Variants in CAPN14 observed in about 807,000 individuals in gnomAD.
CAPN14 encodes calpain-14.
Under a neutral mutation model 101.3 loss-of-function variants are expected in CAPN14, and 94 were observed. That is an observed-to-expected ratio of 0.93 (90% CI 0.79 to 1.10). The LOEUF (loss-of-function observed/expected upper bound fraction) is 1.10, where lower values mean the gene tolerates loss of function less well. CAPN14 is among the 50% of genes least tolerant of loss of function. The pLI, the probability that CAPN14 is intolerant of heterozygous loss-of-function variation, is 0.00. For synonymous variants in CAPN14, 338 were observed against 317.9 expected, an observed-to-expected ratio of 1.06 and a Z score of -0.67; for missense variants, 837 against 828.4, an observed-to-expected ratio of 1.01 and a Z score of -0.13.
chr2:31,191,943 G>C lies in CAPN14; in HGVS notation c.1270C>G (p.Leu424Val). 6.4e-7 allele frequency: 1 copy of C among 1,550,492 alleles called. No homozygotes were observed. ...RKPLLAIGFY[L>V]YRMNKYHDDQ... ...TTCAGAGGTCCACCTACCCTATACA[G>C]GTAGAAGCCAATGGCGAGGAGAGGC... Residue 424 changes from leucine (L) to valine (V), a missense_variant, in exon 11 of 22, where the codon CTG (leucine) becomes GTG (valine). Transcript: ENST00000403897.
chr2:31,205,114 G>A (rs1439999936), intron 2 of CAPN14, 109 bp downstream of exon 2: 1 of 884,118 alleles, frequency 1.1e-6, no homozygotes, highest in Non-Finnish European at 1.8e-6. Context: ...TGAGTGGAGA[G>A]GAGAGAGTAG....
intron 2 of CAPN14, among the ~76,000 whole-genome samples, chr2:31,204,106 C>G (rs771905219): frequency 6.6e-6 from 1 of 152,188 alleles, no homozygotes. Flanking sequence ...GCCTTGCCAT[C>G]TCAGATGAAG....
Position 31,200,457 on chromosome 2 carries a change from G to A in CAPN14, c.720C>T (p.His240=). ...YNRTLIGCQT[H]SGEKILENGL... ...AGTGGCAGCCCAGTCTCACCCCTGA[G>A]TGGGTCTGGCAGCCAATGAGGGTTC... The change falls in exon 6 of 22, where the codon CAC becomes CAT. Residue 240 remains histidine, a synonymous_variant. Transcript: ENST00000403897. The A allele has an allele frequency of 6.5e-7, 1 of 1,549,344 alleles. No homozygotes were observed. The highest frequency in any genetic ancestry group is 8.7e-7 in the Non-Finnish European group (1 of 1,146,532).
intron 1 of CAPN14, among the ~76,000 whole-genome samples, chr2:31,209,361 T>C (rs1445847706): frequency 6.6e-6 from 1 of 152,224 alleles, no homozygotes; most frequent in African/African-American, 2.4e-5. Flanking sequence ...CCCTTATCTA[T>C]AGATGCTGGG....
intron 5 of CAPN14, among the ~76,000 whole-genome samples, chr2:31,201,574 T>G (rs1436556538): frequency 6.6e-6 from 1 of 152,188 alleles, no homozygotes; most frequent in Non-Finnish European, 1.5e-5. Flanking sequence ...TTTCTTTGGG[T>G]GTATCTTGCT....
intron 10 of CAPN14, among the ~76,000 whole-genome samples, chr2:31,192,485 A>T (rs966358202): frequency 6.6e-6 from 1 of 152,184 alleles, no homozygotes; most frequent in Non-Finnish European, 1.5e-5. Context: ...TCAGCTTCAG[A>T]CTATGGGGGA....
Position 31,178,568 on chromosome 2 carries a change from T to G in CAPN14, c.1722A>C (p.Ser574=), listed in dbSNP as rs1368132853. 5.8e-6 allele frequency: 9 copies of G among 1,543,150 alleles called. No homozygotes were observed. In the Admixed American group the frequency reaches 8.1e-5, roughly 14 times the overall value. ...TGAATTCCTGGATGCTCATAGTACC[T>G]GATGCATTAAGCTGATTAATAGGTT... ...GILALLDLNA[S]GTMSIQEFRD... is the part of the protein sequence containing the mutation. Residue 574 remains serine, a synonymous_variant, in exon 18 of 22, where the codon TCA becomes TCC. Coordinates refer to ENST00000403897, the MANE Select transcript of CAPN14 (RefSeq NM_001145122.2).
At chr2:31,228,590 A>G (rs2148710102) in intron 1 of CAPN14, among the ~76,000 whole-genome samples, 1 of 152,372 alleles carries the variant, frequency 6.6e-6, no homozygotes, top group East Asian at 1.9e-4. Flanking sequence ...ATAGCTTATT[A>G]AATATTACAG....
chr2:31,178,598 T>TA lies in CAPN14; in HGVS notation c.1711-20dup. 1 of 1,490,750 alleles carries TA rather than the reference T, an allele frequency of 6.7e-7. No homozygotes were observed. The highest frequency in any genetic ancestry group is 9.0e-7 in the Non-Finnish European group (1 of 1,114,218). 92.3% of individuals were successfully genotyped at this position (1,490,750 alleles called of 1,614,324 possible). ...CATTAAGCTGATTAATAGGTTAAGG[T>TA]AAAAGCTTCCAGGGAGAGTTCTATC... On this transcript the variant is annotated intron_variant, in intron 17 of 21. Transcript: ENST00000403897.
At chr2:31,188,223 A>T in intron 14 of CAPN14, 95 bp downstream of exon 14, 1 of 1,078,958 alleles carries the variant, frequency 9.3e-7, no homozygotes, top group Non-Finnish European at 1.4e-6. Flanking sequence ...GGATCCGCAT[A>T]TCTCCTCCCC....
At chr2:31,181,398 T>TTTTTTTTC (rs1680596144) in intron 16 of CAPN14, among the ~76,000 whole-genome samples, 4 of 134,980 alleles carry the variant, frequency 3.0e-5, no homozygotes, top group African/African-American at 1.2e-4. Context: ...TTCTTTCTTT[T>TTTTTTTTC]TTTCTTTCTT....
At chr2:31,187,067 T>G (rs1680932341) in intron 15 of CAPN14, among the ~76,000 whole-genome samples, 1 of 152,204 alleles carries the variant, frequency 6.6e-6, no homozygotes, top group South Asian at 2.1e-4. Flanking sequence ...AGGTAAATTG[T>G]GACTTTAAAT....
intron 13 of CAPN14, 129 bp downstream of exon 13, chr2:31,189,144 T>C: frequency 1.3e-6 from 1 of 791,896 alleles, no homozygotes; most frequent in Non-Finnish European, 2.1e-6. Flanking sequence ...TCACCTGGTC[T>C]CCTGCTCTCC....
intron 1 of CAPN14, among the ~76,000 whole-genome samples, chr2:31,227,405 T>A (rs1480871368): frequency 6.6e-6 from 1 of 152,164 alleles, no homozygotes; most frequent in Non-Finnish European, 1.5e-5. Context: ...AGACCCTCTT[T>A]CTTCATCTCC....
At chr2:31,213,692 T>G (rs59909519) in intron 1 of CAPN14, among the ~76,000 whole-genome samples, 4,869 of 152,328 alleles carry the variant, frequency 0.032, 252 homozygotes, top group African/African-American at 0.11. Flanking sequence ...CCCTTAACAT[T>G]TACAGTTACA....
chr2:31,191,430 G>GAAAAAAAAAAAA, intron 11 of CAPN14, 23 bp from the exon 12 acceptor site: 1 of 1,277,970 alleles, frequency 7.8e-7, no homozygotes, highest in African/African-American at 1.9e-5. Flanking sequence ...AACAAAAACA[G>GAAAAAAAAAAAA]AAAAAAAAAA....
At chr2:31,203,165 T>C (rs1681884732) in intron 2 of CAPN14, 26 bp from the exon 3 acceptor site, 1 of 1,548,242 alleles carries the variant, frequency 6.5e-7, no homozygotes, top group African/African-American at 1.4e-5. Flanking sequence ...AGAATTGTCA[T>C]TCTGACCTAG....
intron 1 of CAPN14, among the ~76,000 whole-genome samples, chr2:31,205,789 G>A (rs1311340665): frequency 2.0e-5 from 3 of 151,968 alleles, no homozygotes; most frequent in Admixed American, 6.5e-5. Flanking sequence ...CCAATGTCAC[G>A]GGGGTCCCTT....
rs2148669923 is a variant in CAPN14 at position 31,177,033 on chromosome 2, G to T, written c.1965C>A (p.Asn655Lys). 1.3e-6 allele frequency: 2 copies of T among 1,550,756 alleles called. No homozygotes were observed. The highest frequency in any genetic ancestry group is 1.7e-6 in the Non-Finnish European group (2 of 1,146,274). Residue 655 changes from asparagine (N) to lysine (K), a missense_variant, in exon 20 of 22, where the codon AAC (asparagine) becomes AAA (lysine). By Grantham distance (94) the Asn-to-Lys change is moderately conservative (BLOSUM62 0). Coordinates refer to ENST00000403897, the MANE Select transcript of CAPN14 (RefSeq NM_001145122.2). ...SFIHLMLRVE[N>K]MEDVFQNLTQ... ...AGCTTCCCGCCAGCTTACCCTCCAT[G>T]TTCTCTACACGCAGCATCAAGTGGA...
Sources: gnomAD v4.1 joint callset for allele counts (sites outside exome capture counted in the v4.1 genomes callset) on GRCh38, gnomAD v4.1.1 for gene constraint, MANE v1.5 for transcripts, NCBI Gene and HGNC (gene_info 2026-07-23, HGNC 2026-07-21) for gene names.